PPM1H: variants seen among roughly 807,000 people sequenced by gnomAD.
The protein encoded by PPM1H is protein phosphatase 1H.
In PPM1H, 27 loss-of-function variants were observed where a neutral mutation model predicts 54.9. That is an observed-to-expected ratio of 0.49 (90% CI 0.36 to 0.68). The LOEUF is 0.68. PPM1H is among the 30% of genes least tolerant of loss of function. The pLI is 0.00. For synonymous variants in PPM1H, 305 were observed against 270.8 expected (o/e 1.13, Z -1.24); for missense variants, 596 against 667.8 (o/e 0.89, Z 1.19).
At chr12:62,721,636 A>G (rs2076264371) in intron 5 of PPM1H, among the ~76,000 whole-genome samples, 1 of 152,154 alleles carries the variant, frequency 6.6e-6, no homozygotes, top group Non-Finnish European at 1.5e-5. Flanking sequence ...GGGAACTAAC[A>G]CTTAATAGGT....
intron 4 of PPM1H, among the ~76,000 whole-genome samples, chr12:62,748,116 G>A (rs929345662): frequency 1.3e-5 from 2 of 152,052 alleles, no homozygotes; most frequent in African/African-American, 4.8e-5. Flanking sequence ...AGTAGCTCAC[G>A]CCTGTAATCC....
intron 5 of PPM1H, among the ~76,000 whole-genome samples, chr12:62,725,740 T>A (rs939457327): frequency 3.9e-5 from 6 of 152,174 alleles, no homozygotes; most frequent in Admixed American, 2.0e-4. Flanking sequence ...CCTGCAGGTG[T>A]CTGCCCTTTT....
chr12:62,657,071 CCT>C (rs1255400521), intron 9 of PPM1H, among the ~76,000 whole-genome samples: 1 of 152,136 alleles, frequency 6.6e-6, no homozygotes, highest in South Asian at 2.1e-4. Context: ...GGCAGAATAC[CCT>C]GAGACACCAG....
chr12:62,928,420 A>T (rs1029181245), intron 1 of PPM1H, among the ~76,000 whole-genome samples: 1 of 152,236 alleles, frequency 6.6e-6, no homozygotes, highest in East Asian at 1.9e-4. Flanking sequence ...AATTAAGGGC[A>T]TCTGCTCTCC....
chr12:62,861,514 T>C (rs549581193), intron 1 of PPM1H, among the ~76,000 whole-genome samples: 1 of 152,356 alleles, frequency 6.6e-6, no homozygotes, highest in South Asian at 2.1e-4. Context: ...TGACTTTCTA[T>C]GACTTTTTGC....
intron 1 of PPM1H, among the ~76,000 whole-genome samples, chr12:62,851,289 T>A (rs550223733): frequency 3.9e-5 from 6 of 152,178 alleles, no homozygotes; most frequent in Non-Finnish European, 8.8e-5. Context: ...CACAGGAGTA[T>A]GTTTGAAGGG....
At chr12:62,903,940 G>A (rs948147719) in intron 1 of PPM1H, among the ~76,000 whole-genome samples, 5 of 152,200 alleles carry the variant, frequency 3.3e-5, no homozygotes, top group Admixed American at 2.6e-4. Context: ...ATTTCTGAAA[G>A]GGTCGATTTA....
chr12:62,823,089 A>T (rs1248731804), intron 2 of PPM1H, among the ~76,000 whole-genome samples: 1 of 152,228 alleles, frequency 6.6e-6, no homozygotes, highest in African/African-American at 2.4e-5. Flanking sequence ...CAGAAATACA[A>T]ACTACCATCA....
intron 4 of PPM1H, among the ~76,000 whole-genome samples, chr12:62,759,928 C>T (rs2076498109): frequency 6.6e-6 from 1 of 152,104 alleles, no homozygotes; most frequent in African/African-American, 2.4e-5. Context: ...GGGGGGCAAG[C>T]ACCCCCCATC....
chr12:62,821,620 A>C (rs903338661), intron 2 of PPM1H, among the ~76,000 whole-genome samples: 2 of 152,188 alleles, frequency 1.3e-5, no homozygotes, highest in African/African-American at 4.8e-5. Flanking sequence ...GCCAATATTC[A>C]ACATTCTTAA....
intron 1 of PPM1H, among the ~76,000 whole-genome samples, chr12:62,855,757 T>C (rs1490060584): frequency 6.6e-6 from 1 of 152,242 alleles, no homozygotes; most frequent in African/African-American, 2.4e-5. Flanking sequence ...TTCATGCTTC[T>C]TTGCATGTCT....
intron 1 of PPM1H, among the ~76,000 whole-genome samples, chr12:62,832,730 T>C (rs1454307126): frequency 3.9e-5 from 6 of 152,174 alleles, no homozygotes; most frequent in Non-Finnish European, 8.8e-5. Flanking sequence ...ACTTACAGCA[T>C]GTCGTAAAAA....
At chr12:62,888,219 A>G (rs1395152802) in intron 1 of PPM1H, among the ~76,000 whole-genome samples, 1 of 152,154 alleles carries the variant, frequency 6.6e-6, no homozygotes. Flanking sequence ...AACTAGGTGG[A>G]TGGTGGCACC....
At chr12:62,723,519 T>C (rs2076274398) in intron 5 of PPM1H, among the ~76,000 whole-genome samples, 1 of 152,154 alleles carries the variant, frequency 6.6e-6, no homozygotes, top group African/African-American at 2.4e-5. Flanking sequence ...GGTAGAGCCC[T>C]CGTGAATTAA....
At chr12:62,932,315 T>C (rs1216414561) in intron 1 of PPM1H, among the ~76,000 whole-genome samples, 1 of 152,116 alleles carries the variant, frequency 6.6e-6, no homozygotes, top group East Asian at 1.9e-4. Flanking sequence ...TCTCATTGCA[T>C]CCTGTGCCTA....
Position 62,655,785 on chromosome 12 carries a change from T to TTAGAC in PPM1H, c.1398-7154_1398-7150dup, listed in dbSNP as rs1395739868. The stretch of plus-strand genomic sequence containing the variant: ...TCACTGAATGCTGGGCCAGGCTGCA[T>TTAGAC]TAGACAACTGCGGAGGAGTTTGAAA... On this transcript the variant is annotated intron_variant, in intron 9 of 9. Coordinates refer to ENST00000228705, the MANE Select transcript of PPM1H (RefSeq NM_020700.2). Among the ~76,000 whole-genome samples, 4 of 152,270 alleles carry TTAGAC rather than the reference T, an allele frequency of 2.6e-5. No homozygotes were observed. In the East Asian group the frequency reaches 7.7e-4, roughly 29 times the overall value.
chr12:62,927,395 C>T (rs550975114), intron 1 of PPM1H, among the ~76,000 whole-genome samples: 2 of 152,250 alleles, frequency 1.3e-5, no homozygotes, highest in East Asian at 3.9e-4. Flanking sequence ...TGCGGTGGCT[C>T]ACGCCTGTCA....
chr12:62,675,217 T>C (rs530371907), intron 8 of PPM1H, among the ~76,000 whole-genome samples: 1 of 152,202 alleles, frequency 6.6e-6, no homozygotes, highest in African/African-American at 2.4e-5. Flanking sequence ...AGATACGATA[T>C]AACAGATCAA....
chr12:62,764,777 G>A (rs1207592466), intron 4 of PPM1H, among the ~76,000 whole-genome samples: 1 of 152,176 alleles, frequency 6.6e-6, no homozygotes, highest in Non-Finnish European at 1.5e-5. Flanking sequence ...CAGTCAGGGA[G>A]GTCCAGGAGG....
Sources: gnomAD v4.1 joint callset for allele counts (sites outside exome capture counted in the v4.1 genomes callset) on GRCh38, gnomAD v4.1.1 for gene constraint, MANE v1.5 for transcripts, NCBI Gene and HGNC (gene_info 2026-07-23, HGNC 2026-07-21) for gene names.